The following DYNC2I1 variants were observed in gnomAD, a reference collection of about 807,000 sequenced individuals.
DYNC2I1 encodes the protein dynein 2 intermediate chain 1, also known as cytoplasmic dynein 2 intermediate chain 1.
A neutral mutation model predicts 133.4 loss-of-function variants in DYNC2I1; 89 were observed. The ratio of observed to expected loss-of-function variants is 0.67; its 90% CI spans 0.56 to 0.80. DYNC2I1 has a LOEUF of 0.80. Among genes scored for constraint, DYNC2I1 ranks in the 30% least tolerant of loss-of-function variants. The pLI, the probability that DYNC2I1 is intolerant of heterozygous loss-of-function variation, is 0.00. For synonymous variants in DYNC2I1, 504 were observed against 484.3 expected (o/e 1.04, Z -0.54); for missense variants, 1,291 against 1,314.5 (o/e 0.98, Z 0.28).
chr7:158,892,119 C>A (rs1845286977), intron 8 of DYNC2I1, among the ~76,000 whole-genome samples: 1 of 152,192 alleles, frequency 6.6e-6, no homozygotes, highest in African/African-American at 2.4e-5. Flanking sequence ...TGTCTCCTCA[C>A]CTGGCTGAGT....
intron 15 of DYNC2I1, among the ~76,000 whole-genome samples, chr7:158,919,196 C>T (rs1337410988): frequency 2.6e-5 from 4 of 152,188 alleles, no homozygotes; most frequent in East Asian, 1.9e-4. Flanking sequence ...TATTCAGTTT[C>T]TTTTCTTGAG....
At chr7:158,851,157 T>C in the DYNC2I1 span, among the ~76,000 whole-genome samples, 1 of 152,196 alleles carries the variant, frequency 6.6e-6, no homozygotes, top group African/African-American at 2.4e-5. Flanking sequence ...ATATAGTTAT[T>C]CACATACATT....
At chr7:158,888,396 TTTC>T (rs2129481204) in intron 7 of DYNC2I1, among the ~76,000 whole-genome samples, 1 of 152,172 alleles carries the variant, frequency 6.6e-6, no homozygotes, top group African/African-American at 2.4e-5. Flanking sequence ...AGAATAATTT[TTTC>T]TTCTTTGATC....
At chr7:158,874,850 C>T (rs568376945) in intron 3 of DYNC2I1, among the ~76,000 whole-genome samples, 8 of 152,264 alleles carry the variant, frequency 5.3e-5, no homozygotes, top group African/African-American at 1.7e-4. Flanking sequence ...CGCAGTGTAC[C>T]CCACATGAAG....
chr7:158,914,217 AAACTGTTTTTTTTAGGCAGT>A lies in DYNC2I1; in HGVS notation c.1703-15_1707del. The A allele has an allele frequency of 1.9e-6, 3 of 1,599,750 alleles. No homozygotes were observed. The highest frequency in any genetic ancestry group is 2.6e-6 in the Non-Finnish European group (3 of 1,171,908). Reference sequence around the variant, plus strand: ...AGAGTCGACTTCGTTGATTTTATATAAACTGTTTTTTTTAGGCAGTGAACAAAGAGATACCTCTGATGCTG... The same window carrying A: ...AGAGTCGACTTCGTTGATTTTATATAGAACAAAGAGATACCTCTGATGCTG... On this transcript the variant is annotated splice_acceptor_variant and splice_polypyrimidine_tract_variant and coding_sequence_variant and intron_variant, in exon 14 of 25. Coordinates refer to ENST00000407559, the MANE Select transcript of DYNC2I1 (RefSeq NM_018051.5). LOFTEE classifies it high-confidence loss of function.
At chr7:158,891,418 T>G in intron 8 of DYNC2I1, 85 bp downstream of exon 8, 5 of 1,461,936 alleles carry the variant, frequency 3.4e-6, no homozygotes, top group Non-Finnish European at 4.8e-6. Context: ...GTCAGCATTT[T>G]GCTAGTGCAA....
intron 19 of DYNC2I1, 141 bp downstream of exon 19, chr7:158,926,604 G>A (rs1849651556): frequency 1.0e-6 from 1 of 955,386 alleles, no homozygotes; most frequent in Admixed American, 2.5e-5. Context: ...TTGGTCCTGA[G>A]CAGAAGGGAT....
At chr7:158,913,224 C>T (rs905089260) in intron 13 of DYNC2I1, 128 bp downstream of exon 13, 2 of 667,880 alleles carry the variant, frequency 3.0e-6, no homozygotes, top group African/African-American at 3.7e-5. Flanking sequence ...TAGCATGTGA[C>T]AATAGCAGTA....
chr7:158,856,542 G>A (rs570154194), upstream of DYNC2I1: 14 of 479,902 alleles, frequency 2.9e-5, no homozygotes, highest in African/African-American at 2.6e-4. Flanking sequence ...AAATGCCGGG[G>A]ATGCGCAGGC....
In DYNC2I1 at chr7:158,918,643, A is replaced by G. The variant is rs1044014923; in HGVS notation, c.1792-97A>G. On this transcript the variant is annotated intron_variant, in intron 14 of 24. Transcript: ENST00000407559. ...GATAGCGTCATGGATCTAAGCAGTT[A>G]TTTGCAGATATGGATAAGATGAAAA... is the stretch of plus-strand genomic sequence containing the variant. The G allele has an allele frequency of 2.0e-5, 28 of 1,416,558 alleles. No individual in the cohort carries two copies. The African/African-American group carries it at 3.4e-4, about 17-fold the overall frequency. 87.7% of individuals were successfully genotyped at this position (1,416,558 alleles called of 1,614,324 possible). A position where few individuals can be genotyped will look rare whatever the true frequency, so the allele number is the denominator to read the frequency against.
rs917541494 is a variant in DYNC2I1, at chr7:158,875,833, G to A, written c.491-776G>A. Among the ~76,000 whole-genome samples, 7 of 152,278 alleles carry A rather than the reference G, an allele frequency of 4.6e-5. No homozygotes were observed. The South Asian group carries it at 1.0e-3, about 23-fold the overall frequency. On this transcript the variant is annotated intron_variant, in intron 3 of 24. Coordinates refer to ENST00000407559, the MANE Select transcript of DYNC2I1 (RefSeq NM_018051.5). Reference sequence around the variant, plus strand: ...GAGCTCACATTTGGCTAAAGTGTTGGCCGACTGGGCTGGTTCTCCTGTTCA... The same window carrying A: ...GAGCTCACATTTGGCTAAAGTGTTGACCGACTGGGCTGGTTCTCCTGTTCA...
intron 8 of DYNC2I1, among the ~76,000 whole-genome samples, chr7:158,891,749 G>T (rs922806009): frequency 1.3e-5 from 2 of 152,172 alleles, no homozygotes; most frequent in African/African-American, 4.8e-5. Context: ...AATCACAAAA[G>T]ACACGATCCA....
chr7:158,941,113 AAAAT>A (rs770716983), intron 23 of DYNC2I1, among the ~76,000 whole-genome samples: 13 of 152,268 alleles, frequency 8.5e-5, no homozygotes, highest in African/African-American at 3.1e-4. Context: ...AGACCCAAAT[AAAAT>A]AAAATCAGAA....
chr7:158,869,189 G>A (rs772498151), intron 1 of DYNC2I1, among the ~76,000 whole-genome samples: 15 of 151,554 alleles, frequency 9.9e-5, no homozygotes, highest in African/African-American at 2.7e-4. Context: ...CTCTGGGCCC[G>A]TGGCTGTGGC....
At chr7:158,939,058 T>C (rs1385352471) in intron 23 of DYNC2I1, among the ~76,000 whole-genome samples, 1 of 152,210 alleles carries the variant, frequency 6.6e-6, no homozygotes, top group African/African-American at 2.4e-5. Context: ...AAGTGTAGAA[T>C]TTTTTGTTTG....
chr7:158,934,606 G>C, intron 23 of DYNC2I1, 57 bp downstream of exon 23: 1 of 1,511,860 alleles, frequency 6.6e-7, no homozygotes, highest in Non-Finnish European at 8.9e-7. Flanking sequence ...TTTGAGACAG[G>C]GTCTTGCTCT....
intron 23 of DYNC2I1, among the ~76,000 whole-genome samples, chr7:158,940,880 TAGAA>T (rs1198274096): frequency 2.6e-5 from 4 of 152,082 alleles, no homozygotes; most frequent in Admixed American, 1.3e-4. Flanking sequence ...TCTAAAAAAG[TAGAA>T]AGACTTCAAA....
upstream of DYNC2I1, among the ~76,000 whole-genome samples, chr7:158,852,619 G>A (rs1326997290): frequency 1.3e-5 from 2 of 152,046 alleles, no homozygotes; most frequent in Non-Finnish European, 2.9e-5. Context: ...GGTGCCTGCA[G>A]TCCCAGCCAG....
chr7:158,865,839 G>A lies in DYNC2I1; in HGVS notation c.16-4016G>A, dbSNP rs562632044. ...GGTTTACATGTGGCAAGTGGGGACC[G>A]ACAGCACCGGGGCAGGGAAGTCGTA... On this transcript the variant is annotated intron_variant, in intron 1 of 24. Coordinates refer to ENST00000407559, the MANE Select transcript of DYNC2I1 (RefSeq NM_018051.5). Among the ~76,000 whole-genome samples, 8 of 152,300 alleles carry A rather than the reference G, an allele frequency of 5.3e-5. No homozygotes were observed. In the South Asian group the frequency reaches 1.7e-3, roughly 32 times the overall value.
Sources: gnomAD v4.1 joint callset for allele counts (sites outside exome capture counted in the v4.1 genomes callset) on GRCh38, gnomAD v4.1.1 for gene constraint, MANE v1.5 for transcripts, NCBI Gene and HGNC (gene_info 2026-07-23, HGNC 2026-07-21) for gene names.